The following MIER1 variants were observed in gnomAD, a reference collection of about 807,000 sequenced individuals.
MIER1 encodes the protein MIER1 transcriptional regulator, also known as mesoderm induction early response protein 1.
MIER1 carries 40 observed loss-of-function variants against 75.7 expected under a neutral mutation model. The observed-to-expected ratio is 0.53, with a 90% confidence interval of 0.41 to 0.69. The LOEUF is 0.69. MIER1 is among the 30% of genes least tolerant of loss of function. MIER1 has a pLI of 0.00. For synonymous variants in MIER1, 213 were observed against 223.4 expected (o/e 0.95, Z 0.42); for missense variants, 574 against 680.2 (o/e 0.84, Z 1.74).
chr1:66,977,220 C>G (rs1033115145), intron 12 of MIER1, among the ~76,000 whole-genome samples: 2 of 152,028 alleles, frequency 1.3e-5, no homozygotes, highest in African/African-American at 4.8e-5. Context: ...AGCGATTGTC[C>G]TGCCTCAGCC....
At chr1:66,959,608 T>C in intron 6 of MIER1, 71 bp from the exon 7 acceptor site, 1 of 730,832 alleles carries the variant, frequency 1.4e-6, no homozygotes, top group South Asian at 2.1e-5. Context: ...TGATGGTAGA[T>C]GTAAAAATAA....
At chr1:66,984,332 C>T (rs937251219) in intron 13 of MIER1, among the ~76,000 whole-genome samples, 1 of 152,124 alleles carries the variant, frequency 6.6e-6, no homozygotes, top group Non-Finnish European at 1.5e-5. Context: ...TTAATTTTCA[C>T]AACAACCCTG....
At chr1:66,937,819 G>A (rs1202563656) in intron 2 of MIER1, among the ~76,000 whole-genome samples, 1 of 152,086 alleles carries the variant, frequency 6.6e-6, no homozygotes, top group Non-Finnish European at 1.5e-5. Flanking sequence ...ACTCATCTTT[G>A]ATTTAATGGG....
chr1:66,947,887 C>A, intron 4 of MIER1: 1 of 979,720 alleles, frequency 1.0e-6, no homozygotes, highest in Non-Finnish European at 1.2e-6. Context: ...AGCTCATTCT[C>A]ACTCTCTGGT....
Position 66,984,804 on chromosome 1 carries a change from A to G in MIER1, c.1602A>G (p.Val534=). 1 of 1,613,980 alleles carries G rather than the reference A, an allele frequency of 6.2e-7. No individual in the cohort carries two copies. Among genetic ancestry groups the G allele is most frequent in the Non-Finnish European group, 8.5e-7 (1 of 1,179,922 alleles). Residue 534 remains valine, a synonymous_variant, in exon 14 of 14, where the codon GTA becomes GTG. Transcript: ENST00000401041. The part of the protein sequence containing the change: ...KSERPAKRRR[V]NSNGKESPGS... ...AGAGACCTGCCAAAAGGCGAAGGGT[A>G]AACAGCAATGGAAAAGAAAGTCCAG... is the stretch of plus-strand genomic sequence containing the variant.
At chr1:66,959,388 G>C (rs904002288) in intron 6 of MIER1, among the ~76,000 whole-genome samples, 2 of 152,096 alleles carry the variant, frequency 1.3e-5, no homozygotes, top group Non-Finnish European at 2.9e-5. Context: ...AAAATAAACT[G>C]TCATGAAATA....
At chr1:66,945,267 G>GTATGTA (rs1657244405) in intron 3 of MIER1, among the ~76,000 whole-genome samples, 5 of 141,872 alleles carry the variant, frequency 3.5e-5, no homozygotes, top group Non-Finnish European at 7.7e-5. Context: ...TCTGGTGTGT[G>GTATGTA]TATATATATA....
chr1:66,926,079 A>G (rs1006307538), intron 1 of MIER1, 63 bp from the exon 2 acceptor site: 17 of 1,282,036 alleles, frequency 1.3e-5, no homozygotes, highest in Admixed American at 1.7e-5. Flanking sequence ...AACAGGGTGG[A>G]TGGTGAGCTT....
Position 66,939,964 on chromosome 1 carries a change from G to A in MIER1, c.169-64G>A, listed in dbSNP as rs568637978. Reference sequence around the variant, plus strand: ...ATCATAGTAGTCATTGAATAATTTCGGTAATGTTTGTGAAGATACATTATA... The same window carrying A: ...ATCATAGTAGTCATTGAATAATTTCAGTAATGTTTGTGAAGATACATTATA... On this transcript the variant is annotated intron_variant, in intron 2 of 13. Coordinates refer to ENST00000401041, the MANE Select transcript of MIER1 (RefSeq NM_001077700.3). 48 of 1,274,702 alleles carry A rather than the reference G, an allele frequency of 3.8e-5. No homozygotes were observed. In the African/African-American group the frequency reaches 5.5e-4, roughly 15 times the overall value. The allele number at this position is 1,274,702 out of a possible 1,614,324, so 79.0% of individuals were successfully genotyped here. A position where few individuals can be genotyped will look rare whatever the true frequency, so the allele number is the denominator to read the frequency against.
At chr1:66,942,564 A>AGCC (rs35670278) in intron 3 of MIER1, among the ~76,000 whole-genome samples, 1 of 152,100 alleles carries the variant, frequency 6.6e-6, no homozygotes, top group Non-Finnish European at 1.5e-5. Flanking sequence ...AAAGCACCAG[A>AGCC]GCCATTACCT....
intron 6 of MIER1, 98 bp from the exon 7 acceptor site, chr1:66,959,581 G>T (rs1570362578): frequency 4.9e-6 from 3 of 611,832 alleles, no homozygotes; most frequent in East Asian, 6.3e-5. Flanking sequence ...AGATATCTTT[G>T]AGCATATCCA....
chr1:66,925,169 A>G (rs777159998), intron 1 of MIER1, 74 bp downstream of exon 1: 2 of 1,503,760 alleles, frequency 1.3e-6, no homozygotes, highest in South Asian at 2.6e-5. Flanking sequence ...AGGTGTCCTC[A>G]GTCCCCTTTC....
intron 12 of MIER1, among the ~76,000 whole-genome samples, chr1:66,981,253 AC>A (rs113716959): frequency 6.6e-6 from 1 of 152,198 alleles, no homozygotes; most frequent in Non-Finnish European, 1.5e-5. Context: ...ACAGGATAAA[AC>A]CAGCAGATAA....
At chr1:66,946,546 A>C (rs1305829258) in intron 4 of MIER1, 1 of 1,145,366 alleles carries the variant, frequency 8.7e-7, no homozygotes, top group Non-Finnish European at 1.1e-6. Flanking sequence ...TGATTCTGCT[A>C]TAAAGGTCTG....
chr1:66,945,059 T>G (rs1044767027), intron 3 of MIER1, among the ~76,000 whole-genome samples: 8 of 152,074 alleles, frequency 5.3e-5, no homozygotes, highest in Admixed American at 5.2e-4. Context: ...ACTTATAGAA[T>G]AATAATATTT....
At chr1:66,927,934 C>T (rs1256333923) in intron 2 of MIER1, among the ~76,000 whole-genome samples, 2 of 151,888 alleles carry the variant, frequency 1.3e-5, no homozygotes, top group African/African-American at 2.4e-5. Context: ...GGTAAGTAAG[C>T]GTTTTGAGAA....
At chr1:66,940,900 G>C (rs1190699950) in intron 3 of MIER1, among the ~76,000 whole-genome samples, 2 of 152,150 alleles carry the variant, frequency 1.3e-5, no homozygotes, top group Non-Finnish European at 2.9e-5. Context: ...GGATATGTGG[G>C]TTAAAGAGTA....
At chr1:66,943,073 T>C (rs953096544) in intron 3 of MIER1, among the ~76,000 whole-genome samples, 3 of 152,188 alleles carry the variant, frequency 2.0e-5, no homozygotes, top group Non-Finnish European at 4.4e-5. Context: ...GTGGGGATTT[T>C]TTAGGGTCTT....
rs561356328 is a variant in MIER1 at position 66,968,238 on chromosome 1, C to G, written c.773-2570C>G. Among the ~76,000 whole-genome samples, 9 of 152,206 alleles carry G rather than the reference C, an allele frequency of 5.9e-5. No individual in the cohort carries two copies. The South Asian group carries it at 1.5e-3, about 25-fold the overall frequency. ...AGGGGCATTCCTCAGCTTTGTAGTT[C>G]TAGAAATTCAGACTTTTGTCAGGAT... On this transcript the variant is annotated intron_variant, in intron 8 of 13. Transcript: ENST00000401041.
Sources: allele counts gnomAD v4.1 joint callset (sites outside exome capture counted in the v4.1 genomes callset), GRCh38; gene constraint gnomAD v4.1.1; transcripts MANE v1.5; gene names NCBI Gene and HGNC (gene_info 2026-07-23, HGNC 2026-07-21).